CCDC91: variants seen among roughly 807,000 people sequenced by gnomAD.
CCDC91 encodes coiled-coil domain containing 91, also known as coiled-coil domain-containing protein 91.
CCDC91 carries 48 observed loss-of-function variants against 63.2 expected under a neutral mutation model. The observed-to-expected ratio is 0.76, with a 90% CI of 0.60 to 0.97. CCDC91 has a LOEUF of 0.97. Ranked by LOEUF, CCDC91 falls within the 50% of genes least tolerant of loss-of-function variation. CCDC91 has a pLI of 0.00. For missense variants in CCDC91, 500 were observed against 494.6 expected, an observed-to-expected ratio of 1.01 and a Z score of -0.10; for synonymous variants, 167 against 165.8, an observed-to-expected ratio of 1.01 and a Z score of -0.06.
chr12:28,322,228 C>T (rs7295388), intron 6 of CCDC91, among the ~76,000 whole-genome samples: 138,551 of 151,830 alleles, frequency 0.91, 64,449 homozygotes, highest in East Asian at 1. Flanking sequence ...TGCTAGGGAG[C>T]CTCTCAAGTT....
At chr12:28,452,987 TACGCACAC>T (rs1949887284) in intron 11 of CCDC91, among the ~76,000 whole-genome samples, 1 of 151,844 alleles carries the variant, frequency 6.6e-6, no homozygotes, top group Non-Finnish European at 1.5e-5. Flanking sequence ...TAGAGACACA[TACGCACAC>T]ATGCACACAG....
At chr12:28,540,195 G>A (rs1291522541) in intron 12 of CCDC91, among the ~76,000 whole-genome samples, 1 of 152,116 alleles carries the variant, frequency 6.6e-6, no homozygotes, top group Non-Finnish European at 1.5e-5. Flanking sequence ...AAAGTAGTAA[G>A]TAGTCTGTTG....
intron 1 of CCDC91, among the ~76,000 whole-genome samples, chr12:28,194,973 A>C (rs1941630599): frequency 6.6e-6 from 1 of 152,214 alleles, no homozygotes; most frequent in Admixed American, 6.5e-5. Context: ...GAGCAGCAGC[A>C]AGATTTATTG....
At chr12:28,312,186 A>T (rs1939394049) in intron 6 of CCDC91, among the ~76,000 whole-genome samples, 1 of 151,990 alleles carries the variant, frequency 6.6e-6, no homozygotes, top group Non-Finnish European at 1.5e-5. Context: ...GAAACAGGTA[A>T]CTTTGAGTCG....
chr12:28,348,420 C>T (rs1274412217), intron 6 of CCDC91, among the ~76,000 whole-genome samples: 2 of 152,164 alleles, frequency 1.3e-5, no homozygotes, highest in Admixed American at 1.3e-4. Context: ...TGTCGTAGAC[C>T]CAGGTGGCCA....
chr12:28,197,507 A>G (rs1283110908), intron 1 of CCDC91, among the ~76,000 whole-genome samples: 3 of 152,088 alleles, frequency 2.0e-5, no homozygotes, highest in African/African-American at 7.2e-5. Flanking sequence ...ACTTTTTGGT[A>G]GTAACATTTT....
At chr12:28,376,240 T>C (rs1346056335) in intron 7 of CCDC91, among the ~76,000 whole-genome samples, 1 of 151,866 alleles carries the variant, frequency 6.6e-6, no homozygotes, top group East Asian at 1.9e-4. Flanking sequence ...TTTCTAATTT[T>C]TGTTATTAAT....
At chr12:28,373,361 TG>T (rs1944741406) in intron 7 of CCDC91, among the ~76,000 whole-genome samples, 1 of 150,118 alleles carries the variant, frequency 6.7e-6, no homozygotes, top group Non-Finnish European at 1.5e-5. Context: ...ATGTGTAGAT[TG>T]TTTTTCATCA....
chr12:28,266,560 A>G (rs1592144289), intron 3 of CCDC91, among the ~76,000 whole-genome samples: 2 of 152,104 alleles, frequency 1.3e-5, no homozygotes, highest in East Asian at 3.9e-4. Flanking sequence ...TATTAATGTG[A>G]AGAACTATAA....
intron 8 of CCDC91, among the ~76,000 whole-genome samples, chr12:28,395,179 A>AT (rs1946214220): frequency 6.6e-6 from 1 of 152,160 alleles, no homozygotes; most frequent in Non-Finnish European, 1.5e-5. Flanking sequence ...TTGTATATGA[A>AT]TACTAGACCA....
At chr12:28,271,058 G>GGA (rs1333943311) in intron 3 of CCDC91, among the ~76,000 whole-genome samples, 11 of 152,248 alleles carry the variant, frequency 7.2e-5, no homozygotes, top group Admixed American at 2.0e-4. Context: ...AGCATAGCGT[G>GGA]TAATAAAGGG....
rs1593028496 is a variant in CCDC91, at chr12:28,549,108, T to A, written c.1261T>A (p.Phe421Ile). 1 of 1,613,034 alleles carries A rather than the reference T, an allele frequency of 6.2e-7. No homozygotes were observed. The highest frequency in any genetic ancestry group is 8.5e-7 in the Non-Finnish European group (1 of 1,179,244). ...AAGAAGCCTGTCCAGTTTGGAACTG[T>A]TCCTCTCCTGTGCACAGAAACAGTT... ...RQRSLSSLEL[F>I]LSCAQKQLSA... Residue 421 changes from phenylalanine (F) to isoleucine (I), a missense_variant, in exon 13 of 13, where the codon TTC (phenylalanine) becomes ATC (isoleucine). Transcript: ENST00000536442.
intron 7 of CCDC91, among the ~76,000 whole-genome samples, chr12:28,386,571 G>T (rs187139032): frequency 2.0e-5 from 3 of 152,050 alleles, no homozygotes; most frequent in Admixed American, 2.0e-4. Flanking sequence ...GTTTCATCAC[G>T]TTGGTCAGGC....
intron 7 of CCDC91, among the ~76,000 whole-genome samples, chr12:28,364,158 G>A (rs1944113241): frequency 6.6e-6 from 1 of 151,902 alleles, no homozygotes; most frequent in African/African-American, 2.4e-5. Flanking sequence ...GGCCGAAGTG[G>A]GTGGATCACC....
chr12:28,261,908 T>G (rs959078832), intron 3 of CCDC91, among the ~76,000 whole-genome samples: 5 of 151,938 alleles, frequency 3.3e-5, no homozygotes, highest in Non-Finnish European at 5.9e-5. Flanking sequence ...AAGAATTAAC[T>G]CTTTCTAGAT....
chr12:28,275,757 A>T (rs1055815147), intron 3 of CCDC91, among the ~76,000 whole-genome samples: 19 of 152,140 alleles, frequency 1.2e-4, no homozygotes, highest in African/African-American at 4.6e-4. Flanking sequence ...GCAGCACATC[A>T]AAAAGCTTAT....
intron 1 of CCDC91, among the ~76,000 whole-genome samples, chr12:28,217,185 C>A (rs2135595168): frequency 6.6e-6 from 1 of 152,118 alleles, no homozygotes; most frequent in East Asian, 1.9e-4. Context: ...GTGGTACTGA[C>A]AACAGAGGTG....
In CCDC91 at chr12:28,348,634, G is replaced by C. The variant is rs557333393; in HGVS notation, c.577-13804G>C. 2.6e-4 allele frequency among the ~76,000 whole-genome samples: 39 copies of C among 152,100 alleles called. 1 individual carries two copies. Among genetic ancestry groups the C allele is most frequent in the Admixed American group, 7.9e-4 (12 of 15,258 alleles). ...TTCTTTCTGTAACAACTATTGTTTGGTTGCTCGATCTACTGAATTGCCTGT... is the reference window on the plus strand; with the variant it reads ...TTCTTTCTGTAACAACTATTGTTTGCTTGCTCGATCTACTGAATTGCCTGT... On this transcript the variant is annotated intron_variant, in intron 6 of 12. Transcript: ENST00000536442.
intron 8 of CCDC91, among the ~76,000 whole-genome samples, chr12:28,407,962 A>T (rs61920569): frequency 0.51 from 57,139 of 112,892 alleles, 12,715 homozygotes; most frequent in East Asian, 0.7. Context: ...ATATATATAT[A>T]TATTTTTTTT....
Sources: allele counts gnomAD v4.1 joint callset (sites outside exome capture counted in the v4.1 genomes callset), GRCh38; gene constraint gnomAD v4.1.1; transcripts MANE v1.5; gene names NCBI Gene and HGNC (gene_info 2026-07-23, HGNC 2026-07-21).